UVRAG: variants seen among roughly 807,000 people sequenced by gnomAD.
UVRAG encodes the protein UV radiation resistance-associated gene protein.
Under a neutral mutation model 78.0 loss-of-function variants are expected in UVRAG, and 19 were observed. The observed-to-expected ratio is 0.24, with a 90% CI of 0.17 to 0.36. UVRAG has a LOEUF of 0.36. UVRAG is among the 10% of genes least tolerant of loss of function. UVRAG has a pLI of 1.00. For missense variants in UVRAG, 740 were observed against 853.8 expected, an observed-to-expected ratio of 0.87 and a Z score of 1.66; for synonymous variants, 323 against 324.6, an observed-to-expected ratio of 1.00 and a Z score of 0.05.
intron 1 of UVRAG, among the ~76,000 whole-genome samples, chr11:75,834,537 G>A (rs759883036): frequency 6.6e-6 from 1 of 152,172 alleles, no homozygotes; most frequent in Non-Finnish European, 1.5e-5. Flanking sequence ...GCATGGGGCC[G>A]GGCGCAGTGG....
chr11:76,017,255 G>A (rs773396619), intron 12 of UVRAG, among the ~76,000 whole-genome samples: 1 of 152,104 alleles, frequency 6.6e-6, no homozygotes, highest in African/African-American at 2.4e-5. Flanking sequence ...GAGGATAAGT[G>A]TCATATGATC....
At chr11:76,095,103 A>G (rs1366825231) in intron 13 of UVRAG, among the ~76,000 whole-genome samples, 1 of 152,204 alleles carries the variant, frequency 6.6e-6, no homozygotes, top group Non-Finnish European at 1.5e-5. Flanking sequence ...TCCCTCTCCA[A>G]GGAATAAAAT....
chr11:76,078,273 A>G (rs891295624), intron 13 of UVRAG, among the ~76,000 whole-genome samples: 1 of 152,176 alleles, frequency 6.6e-6, no homozygotes, highest in Non-Finnish European at 1.5e-5. Flanking sequence ...GGAAGGTAGC[A>G]CAGTAGATTT....
At chr11:75,890,574 G>C (rs1947193336) in intron 5 of UVRAG, among the ~76,000 whole-genome samples, 1 of 152,234 alleles carries the variant, frequency 6.6e-6, no homozygotes, top group African/African-American at 2.4e-5. Flanking sequence ...GGCAGATTGT[G>C]AGTTGCGATT....
intron 7 of UVRAG, among the ~76,000 whole-genome samples, chr11:75,963,870 G>T (rs1413950232): frequency 2.0e-5 from 3 of 152,010 alleles, no homozygotes; most frequent in Non-Finnish European, 2.9e-5. Context: ...TATGTTGTCT[G>T]GGCTGCTCTT....
At chr11:75,828,232 T>C (rs1450512760) in intron 1 of UVRAG, among the ~76,000 whole-genome samples, 3 of 152,136 alleles carry the variant, frequency 2.0e-5, no homozygotes, top group African/African-American at 7.2e-5. Flanking sequence ...GTGTGTTTAA[T>C]ATAAATATAA....
intron 4 of UVRAG, among the ~76,000 whole-genome samples, 189 bp downstream of exon 4, chr11:75,880,229 T>C (rs1448282562): frequency 6.6e-6 from 1 of 152,240 alleles, no homozygotes; most frequent in Non-Finnish European, 1.5e-5. Context: ...ACTTACATTG[T>C]TATGTTTGAA....
At chr11:75,955,139 A>T (rs938694526) in intron 6 of UVRAG, among the ~76,000 whole-genome samples, 2 of 152,304 alleles carry the variant, frequency 1.3e-5, no homozygotes, top group East Asian at 1.9e-4. Context: ...CCTTACCTTG[A>T]TGTAAAATTA....
intron 1 of UVRAG, among the ~76,000 whole-genome samples, chr11:75,820,175 G>T (rs1945354617): frequency 6.6e-6 from 1 of 151,830 alleles, no homozygotes; most frequent in African/African-American, 2.4e-5. Context: ...ATGGGGTCTT[G>T]CTGTGTTGCC....
intron 8 of UVRAG, among the ~76,000 whole-genome samples, chr11:75,997,516 A>G (rs558288190): frequency 6.6e-6 from 1 of 152,228 alleles, no homozygotes; most frequent in Non-Finnish European, 1.5e-5. Flanking sequence ...GTTTTGGAAG[A>G]TGGTAAACCA....
chr11:75,873,224 G>A (rs1489426292), intron 3 of UVRAG, among the ~76,000 whole-genome samples: 1 of 152,186 alleles, frequency 6.6e-6, no homozygotes, highest in African/African-American at 2.4e-5. Context: ...AGGTGAGAAA[G>A]CGAATCACTT....
At chr11:76,055,510 G>A (rs1195042620) in intron 12 of UVRAG, among the ~76,000 whole-genome samples, 1 of 152,110 alleles carries the variant, frequency 6.6e-6, no homozygotes, top group Non-Finnish European at 1.5e-5. Flanking sequence ...TACATTTGCT[G>A]TACCTGTGTT....
At chr11:75,982,501 G>T (rs150445797) in intron 7 of UVRAG, among the ~76,000 whole-genome samples, 1 of 152,156 alleles carries the variant, frequency 6.6e-6, no homozygotes, top group Non-Finnish European at 1.5e-5. Flanking sequence ...CACTGCATTG[G>T]GGGTGGGAGA....
chr11:75,847,689 C>T (rs931957771), intron 1 of UVRAG, among the ~76,000 whole-genome samples: 1 of 151,938 alleles, frequency 6.6e-6, no homozygotes, highest in African/African-American at 2.4e-5. Context: ...AGTTTATTAG[C>T]GACTGGGCAC....
chr11:75,834,930 A>G (rs1173250106), intron 1 of UVRAG, among the ~76,000 whole-genome samples: 2 of 152,170 alleles, frequency 1.3e-5, no homozygotes, highest in East Asian at 3.8e-4. Flanking sequence ...TTCCCTCCTC[A>G]GCCTCTTAAA....
rs762221601 is a variant in UVRAG, at chr11:76,006,660, C to CAAAA, written c.912-851_912-848dup. Among the ~76,000 whole-genome samples the CAAAA allele has an allele frequency of 1.1e-3, 71 of 62,306 alleles. 4 individuals are homozygous for CAAAA. Among genetic ancestry groups the CAAAA allele is most frequent in the African/African-American group, 3.4e-3 (45 of 13,124 alleles). 40.9% of individuals were successfully genotyped at this position (62,306 alleles called of 152,430 possible). ...TGAGTGTTAAAGTGAGACCCCGTCTCAAAAAAAAAAAAAAAAAAAAAAAAA... is the reference window on the plus strand; with the variant it reads ...TGAGTGTTAAAGTGAGACCCCGTCTCAAAAAAAAAAAAAAAAAAAAAAAAAAAAA... On this transcript the variant is annotated intron_variant, in intron 9 of 14. Transcript: ENST00000356136.
At chr11:76,125,519 A>G (rs1591264278) in intron 14 of UVRAG, among the ~76,000 whole-genome samples, 2 of 148,706 alleles carry the variant, frequency 1.3e-5, no homozygotes, top group Non-Finnish European at 2.9e-5. Context: ...TGCGGTTAAC[A>G]CCCATTTCCA....
At chr11:75,903,407 TG>T (rs2134995879) in intron 5 of UVRAG, among the ~76,000 whole-genome samples, 1 of 152,320 alleles carries the variant, frequency 6.6e-6, no homozygotes, top group South Asian at 2.1e-4. Context: ...CTTATTCAGC[TG>T]TATCTCCCAC....
Position 75,889,165 on chromosome 11 carries a change from A to G in UVRAG, c.507+262A>G, listed in dbSNP as rs575085656. On this transcript the variant is annotated intron_variant, in intron 5 of 14. Coordinates refer to ENST00000356136, the MANE Select transcript of UVRAG (RefSeq NM_003369.4). ...AGCTAGCTGTTTTCTCTTATTCTAC[A>G]TAACTCTTTGGGGGTTAAGAAAGGA... Among the ~76,000 whole-genome samples, 10 of 152,338 alleles carry G rather than the reference A, an allele frequency of 6.6e-5. No individual in the cohort carries two copies. In the East Asian group the frequency reaches 1.2e-3, roughly 18 times the overall value.
Sources: allele counts gnomAD v4.1 joint callset (sites outside exome capture counted in the v4.1 genomes callset), GRCh38; gene constraint gnomAD v4.1.1; transcripts MANE v1.5; gene names NCBI Gene and HGNC (gene_info 2026-07-23, HGNC 2026-07-21).